Variants in CEP112 observed in about 807,000 individuals in gnomAD.
CEP112 encodes centrosomal protein 112.
CEP112 carries 127 observed loss-of-function variants against 153.0 expected under a neutral mutation model. That is an observed-to-expected ratio of 0.83 (90% CI 0.72 to 0.96). The LOEUF (loss-of-function observed/expected upper bound fraction) is 0.96, where lower values mean the gene tolerates loss of function less well. Ranked by LOEUF, CEP112 falls within the 40% of genes least tolerant of loss-of-function variation. The pLI is 0.00. For missense variants in CEP112, 1,089 were observed against 1,101.2 expected (o/e 0.99, Z 0.16); for synonymous variants, 358 against 374.4 (o/e 0.96, Z 0.51).
At chr17:65,965,177 T>C (rs1232753829) in intron 17 of CEP112, among the ~76,000 whole-genome samples, 1 of 152,214 alleles carries the variant, frequency 6.6e-6, no homozygotes, top group African/African-American at 2.4e-5. Context: ...ATTTACTTTA[T>C]AACTAATTTA....
chr17:65,749,169 G>C (rs1021618269), intron 22 of CEP112, among the ~76,000 whole-genome samples: 1 of 152,040 alleles, frequency 6.6e-6, no homozygotes, highest in Non-Finnish European at 1.5e-5. Context: ...CTCTTCATTT[G>C]GACAAAGACT....
intron 21 of CEP112, among the ~76,000 whole-genome samples, chr17:65,810,438 C>T (rs1343509749): frequency 6.6e-6 from 1 of 152,062 alleles, no homozygotes; most frequent in African/African-American, 2.4e-5. Flanking sequence ...ATCCTGTCTC[C>T]TCTAGCCATC....
chr17:65,662,036 A>T (rs1470407828), intron 24 of CEP112, among the ~76,000 whole-genome samples: 1 of 152,098 alleles, frequency 6.6e-6, no homozygotes, highest in Non-Finnish European at 1.5e-5. Context: ...TGACGCAATC[A>T]TGGCTCACTG....
intron 23 of CEP112, among the ~76,000 whole-genome samples, chr17:65,734,707 T>G (rs1404347043): frequency 6.6e-6 from 1 of 152,194 alleles, no homozygotes; most frequent in African/African-American, 2.4e-5. Context: ...GTTATTTTGA[T>G]TGAAGAATAG....
chr17:65,908,219 C>T (rs2060153124), intron 19 of CEP112, among the ~76,000 whole-genome samples: 2 of 152,160 alleles, frequency 1.3e-5, no homozygotes, highest in African/African-American at 4.8e-5. Flanking sequence ...CCACCCTAAA[C>T]ATATTAAAGA....
chr17:66,148,254 G>A (rs965422705), intron 4 of CEP112, among the ~76,000 whole-genome samples: 5 of 152,156 alleles, frequency 3.3e-5, no homozygotes, highest in Non-Finnish European at 5.9e-5. Context: ...ACAGTATGGA[G>A]GAAACAGCCA....
chr17:66,025,107 C>T (rs1285406534), intron 16 of CEP112, among the ~76,000 whole-genome samples: 1 of 152,032 alleles, frequency 6.6e-6, no homozygotes, highest in Non-Finnish European at 1.5e-5. Context: ...GAAACTGAAT[C>T]CCTCTCTCAC....
At chr17:65,913,239 G>A (rs1416756927) in intron 19 of CEP112, among the ~76,000 whole-genome samples, 3 of 152,174 alleles carry the variant, frequency 2.0e-5, no homozygotes, top group Non-Finnish European at 2.9e-5. Context: ...AAAGGTAGTA[G>A]TTTCACAGAC....
chr17:65,790,121 C>T (rs2054509010), intron 21 of CEP112, among the ~76,000 whole-genome samples: 1 of 152,172 alleles, frequency 6.6e-6, no homozygotes, highest in Non-Finnish European at 1.5e-5. Context: ...ACTGAAAGTG[C>T]TTAATTTGAG....
chr17:66,056,236 G>A (rs2066681850), intron 11 of CEP112, among the ~76,000 whole-genome samples: 1 of 152,130 alleles, frequency 6.6e-6, no homozygotes, highest in Non-Finnish European at 1.5e-5. Context: ...TCATGCCAGA[G>A]GAGACCCAGA....
chr17:65,804,711 T>C (rs2055486436), intron 21 of CEP112, among the ~76,000 whole-genome samples: 1 of 152,130 alleles, frequency 6.6e-6, no homozygotes, highest in South Asian at 2.1e-4. Context: ...AAAAGTAATG[T>C]TAAGAATTAT....
chr17:65,969,687 G>A (rs948876480), intron 17 of CEP112, among the ~76,000 whole-genome samples: 14 of 152,110 alleles, frequency 9.2e-5, no homozygotes, highest in Non-Finnish European at 2.1e-4. Context: ...CATGTGTATT[G>A]TATGCATATT....
intron 21 of CEP112, among the ~76,000 whole-genome samples, chr17:65,823,487 T>G (rs750966070): frequency 2.6e-4 from 39 of 152,116 alleles, no homozygotes; most frequent in South Asian, 6.2e-4. Flanking sequence ...ATCCATATAT[T>G]GCACCATCCA....
chr17:65,820,450 T>A (rs968708420), intron 21 of CEP112, among the ~76,000 whole-genome samples: 5 of 152,134 alleles, frequency 3.3e-5, no homozygotes, highest in Non-Finnish European at 7.4e-5. Flanking sequence ...TGTCTTTTCA[T>A]GATTTTCCCC....
At chr17:66,093,120 G>C (rs2146258941) in intron 8 of CEP112, among the ~76,000 whole-genome samples, 1 of 152,196 alleles carries the variant, frequency 6.6e-6, no homozygotes, top group Middle Eastern at 3.4e-3. Flanking sequence ...GATTACTTGA[G>C]GTCAGGAATT....
intron 18 of CEP112, among the ~76,000 whole-genome samples, chr17:65,959,901 G>A (rs565454789): frequency 7.2e-5 from 11 of 152,294 alleles, no homozygotes; most frequent in Middle Eastern, 3.4e-3. Context: ...CAAGAGCAGC[G>A]TATCAGGCTG....
chr17:65,952,391 T>C (rs1469751341), intron 18 of CEP112, among the ~76,000 whole-genome samples: 1 of 152,016 alleles, frequency 6.6e-6, no homozygotes, highest in African/African-American at 2.4e-5. Flanking sequence ...ACTCTTCTGC[T>C]TGCATATTCT....
In CEP112 at chr17:65,725,032, T is replaced by C. The variant is rs554642905; in HGVS notation, c.2607+18036A>G. On this transcript the variant is annotated intron_variant, in intron 23 of 26. Transcript: ENST00000535342. ...CAAGTGAGATGATCTCATCTAATTG[T>C]TAGGAACAAAGTCTCTGATTGAACA... Among the ~76,000 whole-genome samples the C allele has an allele frequency of 2.0e-5, 3 of 152,336 alleles. No individual in the cohort carries two copies. In the East Asian group the frequency reaches 5.8e-4, roughly 29 times the overall value.
intron 6 of CEP112, among the ~76,000 whole-genome samples, chr17:66,117,088 G>T (rs975875713): frequency 2.6e-5 from 4 of 151,860 alleles, no homozygotes; most frequent in Non-Finnish European, 5.9e-5. Context: ...TAGAGACGGG[G>T]TTTCACCATG....
Sources: gnomAD v4.1 joint callset for allele counts (sites outside exome capture counted in the v4.1 genomes callset) on GRCh38, gnomAD v4.1.1 for gene constraint, MANE v1.5 for transcripts, NCBI Gene and HGNC (gene_info 2026-07-23, HGNC 2026-07-21) for gene names.